Variants in DPYD observed in about 807,000 individuals in gnomAD.
The protein encoded by DPYD is dihydropyrimidine dehydrogenase [NADP(+)].
Under a neutral mutation model 116.2 loss-of-function variants are expected in DPYD, and 109 were observed. The ratio of observed to expected loss-of-function variants is 0.94; its 90% CI spans 0.80 to 1.10. The LOEUF (loss-of-function observed/expected upper bound fraction) is 1.10, where lower values mean the gene tolerates loss of function less well. Among genes scored for constraint, DPYD ranks in the 50% least tolerant of loss-of-function variants. The pLI, the probability that DPYD is intolerant of heterozygous loss-of-function variation, is 0.00. For missense variants in DPYD, 1,302 were observed against 1,254.5 expected, an observed-to-expected ratio of 1.04 and a Z score of -0.57; for synonymous variants, 440 against 432.0, an observed-to-expected ratio of 1.02 and a Z score of -0.23.
intron 13 of DPYD, among the ~76,000 whole-genome samples, chr1:97,485,928 T>C (rs1678607940): frequency 6.6e-6 from 1 of 152,180 alleles, no homozygotes; most frequent in Non-Finnish European, 1.5e-5. Context: ...TTTTAAAAAA[T>C]TGATATTGCA....
chr1:97,691,893 T>G (rs1571199037), intron 6 of DPYD, 95 bp from the exon 7 acceptor site: 1 of 940,630 alleles, frequency 1.1e-6, no homozygotes, highest in East Asian at 2.5e-5. Context: ...TATGGATTAG[T>G]AGAAAATAAA....
intron 11 of DPYD, among the ~76,000 whole-genome samples, chr1:97,571,291 C>G (rs1652878278): frequency 6.6e-6 from 1 of 151,824 alleles, no homozygotes; most frequent in African/African-American, 2.4e-5. Context: ...GTTTTGTTTC[C>G]AAGTCTTTTA....
intron 14 of DPYD, among the ~76,000 whole-genome samples, chr1:97,389,409 G>T (rs1267382851): frequency 6.7e-6 from 1 of 148,506 alleles, no homozygotes; most frequent in Non-Finnish European, 1.5e-5. Context: ...AATCAGTGTT[G>T]ATAATATTTA....
chr1:97,437,621 A>C (rs1158507852), intron 14 of DPYD, among the ~76,000 whole-genome samples: 2 of 151,926 alleles, frequency 1.3e-5, no homozygotes, highest in Non-Finnish European at 2.9e-5. Flanking sequence ...TAAATTTCTA[A>C]AATAAACCCA....
intron 5 of DPYD, among the ~76,000 whole-genome samples, chr1:97,703,049 A>G (rs1032548086): frequency 6.6e-6 from 1 of 152,032 alleles, no homozygotes; most frequent in East Asian, 1.9e-4. Flanking sequence ...CTGCAGCTTA[A>G]GAGTTGTTCA....
At chr1:97,452,095 T>C (rs564478083) in intron 13 of DPYD, among the ~76,000 whole-genome samples, 213 of 152,266 alleles carry the variant, frequency 1.4e-3, no homozygotes, top group Non-Finnish European at 2.3e-3. Flanking sequence ...TCAACAAAAC[T>C]GATTCACGTT....
chr1:97,286,099 C>T (rs1295702662), intron 18 of DPYD, among the ~76,000 whole-genome samples: 1 of 152,096 alleles, frequency 6.6e-6, no homozygotes, highest in Non-Finnish European at 1.5e-5. Flanking sequence ...TTCAGGAGCT[C>T]TTTAGGGCAG....
chr1:97,514,541 T>C (rs185743069), intron 13 of DPYD, among the ~76,000 whole-genome samples: 1 of 152,036 alleles, frequency 6.6e-6, no homozygotes, highest in African/African-American at 2.4e-5. Context: ...ACAAATATAC[T>C]ATCAATATTC....
At chr1:97,474,067 G>T (rs913935350) in intron 13 of DPYD, among the ~76,000 whole-genome samples, 1 of 147,498 alleles carries the variant, frequency 6.8e-6, no homozygotes, top group Non-Finnish European at 1.5e-5. Flanking sequence ...CAGTATAAAA[G>T]TTTCTCAAAA....
intron 10 of DPYD, among the ~76,000 whole-genome samples, chr1:97,591,619 G>A (rs1654527439): frequency 6.6e-6 from 1 of 152,150 alleles, no homozygotes; most frequent in Non-Finnish European, 1.5e-5. Flanking sequence ...AGATGACTAT[G>A]ATATAAAATG....
At position 97,090,376 on chromosome 1, in the gene DPYD, T is replaced by C. The variant is rs142709003; in HGVS notation, c.2767-7906A>G. On this transcript the variant is annotated intron_variant, in intron 21 of 22. Transcript: ENST00000370192. ...CCTAGCTGTGTGACCTTAGGAAAGT[T>C]ATTTAACCTTTCTGTTTATCAATTG... Among the ~76,000 whole-genome samples, 253 of 152,310 alleles carry C rather than the reference T, an allele frequency of 1.7e-3. No individual in the cohort carries two copies. The South Asian group carries it at 0.02, about 12-fold the overall frequency.
chr1:97,884,502 T>C (rs770272954), intron 1 of DPYD, among the ~76,000 whole-genome samples: 4 of 152,046 alleles, frequency 2.6e-5, no homozygotes, highest in Non-Finnish European at 4.4e-5. Flanking sequence ...ACCAAGGCTG[T>C]GGAAATTAAT....
At chr1:97,385,280 CAAAAAAAAAAAAAAAAAAAAAAAAAAAA>C (rs567156406) in intron 14 of DPYD, among the ~76,000 whole-genome samples, 38 of 48,926 alleles carry the variant, frequency 7.8e-4, no homozygotes, top group Non-Finnish European at 9.6e-4. Flanking sequence ...GCATTCCTTG[CAAAAAAAAAAAAAAAAAAAAAAAAAAAA>C]AAAAAAAAAA....
intron 16 of DPYD, among the ~76,000 whole-genome samples, chr1:97,364,660 T>C (rs1044145288): frequency 3.0e-4 from 46 of 152,230 alleles, no homozygotes; most frequent in Non-Finnish European, 4.9e-4. Context: ...ATATAAACAA[T>C]GTCAAGAGAG....
rs151295975 is a variant in DPYD, at chr1:97,183,465, T to C, written c.2622+9604A>G. ...TCTATCCATTACATTGATCTATTTG[T>C]CTACCCTGACACCCAAACACACTTG... On this transcript the variant is annotated intron_variant, in intron 20 of 22. Coordinates refer to ENST00000370192, the MANE Select transcript of DPYD (RefSeq NM_000110.4). Among the ~76,000 whole-genome samples the C allele has an allele frequency of 3.6e-3, 542 of 152,198 alleles. 3 individuals are homozygous for C. The highest frequency in any genetic ancestry group is 6.8e-3 in the Middle Eastern group (2 of 294).
intron 20 of DPYD, among the ~76,000 whole-genome samples, chr1:97,107,441 G>A (rs1651251061): frequency 6.6e-6 from 1 of 152,044 alleles, no homozygotes; most frequent in African/African-American, 2.4e-5. Flanking sequence ...GAGATGATGA[G>A]GTAGGGGAGG....
chr1:97,868,260 G>T (rs1404672863), intron 2 of DPYD, among the ~76,000 whole-genome samples: 1 of 151,576 alleles, frequency 6.6e-6, no homozygotes, highest in Non-Finnish European at 1.5e-5. Context: ...AATCTAAATG[G>T]AGTCAACGGC....
intron 19 of DPYD, among the ~76,000 whole-genome samples, chr1:97,216,286 T>C (rs1330554371): frequency 1.5e-5 from 1 of 66,276 alleles, no homozygotes; most frequent in Admixed American, 1.3e-4. Context: ...AGCCAAGCTT[T>C]CGAATTTTTT....
chr1:97,562,842 C>G (rs541522102), intron 11 of DPYD, among the ~76,000 whole-genome samples: 2 of 152,224 alleles, frequency 1.3e-5, no homozygotes, highest in East Asian at 1.9e-4. Flanking sequence ...CCTCAGCCCC[C>G]CCGAGTAGCT....
Sources: allele counts gnomAD v4.1 joint callset (sites outside exome capture counted in the v4.1 genomes callset), GRCh38; gene constraint gnomAD v4.1.1; transcripts MANE v1.5; gene names NCBI Gene and HGNC (gene_info 2026-07-23, HGNC 2026-07-21).